CORIN: variants seen among roughly 807,000 people sequenced by gnomAD.
CORIN encodes corin, serine peptidase.
CORIN carries 117 observed loss-of-function variants against 125.3 expected under a neutral mutation model. The observed-to-expected ratio is 0.93, with a 90% CI of 0.80 to 1.09. The LOEUF (loss-of-function observed/expected upper bound fraction) is 1.09, where lower values mean the gene tolerates loss of function less well. CORIN is among the 50% of genes least tolerant of loss of function. The pLI is 0.00. For synonymous variants in CORIN, 450 were observed against 466.4 expected, an observed-to-expected ratio of 0.96 and a Z score of 0.45; for missense variants, 1,253 against 1,306.7, an observed-to-expected ratio of 0.96 and a Z score of 0.63.
At chr4:47,784,643 G>A (rs1401914503) in intron 3 of CORIN, among the ~76,000 whole-genome samples, 1 of 152,158 alleles carries the variant, frequency 6.6e-6, no homozygotes, top group Non-Finnish European at 1.5e-5. Flanking sequence ...TACTGTAATT[G>A]CAACCACATT....
chr4:47,831,947 A>G (rs570384892), intron 1 of CORIN, among the ~76,000 whole-genome samples: 1 of 152,332 alleles, frequency 6.6e-6, no homozygotes, highest in South Asian at 2.1e-4. Flanking sequence ...TCAAATGAGG[A>G]TGAGTTCAAG....
rs1725109544 is a variant in CORIN, at chr4:47,678,060, A to G, written c.1133-6T>C. On this transcript the variant is annotated splice_region_variant and splice_polypyrimidine_tract_variant and intron_variant, in intron 8 of 21. Transcript: ENST00000273857. ...CAGACCCTGGCTGTGACAGGCTAGG[A>G]AGGACCATAACAATATTCACTTTAT... The G allele has an allele frequency of 1.3e-6, 2 of 1,579,456 alleles. No individual in the cohort carries two copies. Among genetic ancestry groups the G allele is most frequent in the Non-Finnish European group, 1.7e-6 (2 of 1,148,456 alleles).
intron 1 of CORIN, among the ~76,000 whole-genome samples, chr4:47,820,118 G>A (rs1361221644): frequency 6.6e-6 from 1 of 152,126 alleles, no homozygotes; most frequent in African/African-American, 2.4e-5. Flanking sequence ...ACCATCCATG[G>A]TTTCAACTAT....
intron 1 of CORIN, among the ~76,000 whole-genome samples, chr4:47,814,414 C>T (rs1732178534): frequency 6.6e-6 from 1 of 152,138 alleles, no homozygotes; most frequent in South Asian, 2.1e-4. Context: ...AACCCATCTC[C>T]ACTCTGTCCG....
At chr4:47,646,852 A>G (rs1723510512) in intron 13 of CORIN, among the ~76,000 whole-genome samples, 1 of 152,258 alleles carries the variant, frequency 6.6e-6, no homozygotes, top group Non-Finnish European at 1.5e-5. Flanking sequence ...ACTACAAATA[A>G]GTCGAATAAA....
At chr4:47,722,374 C>T (rs1336898032) in intron 5 of CORIN, among the ~76,000 whole-genome samples, 1 of 152,208 alleles carries the variant, frequency 6.6e-6, no homozygotes, top group Non-Finnish European at 1.5e-5. Context: ...TGCAGGATAA[C>T]GTCCTTTCTT....
At chr4:47,780,968 T>TA (rs142636160) in intron 3 of CORIN, among the ~76,000 whole-genome samples, 1,492 of 145,432 alleles carry the variant, frequency 0.01, 14 homozygotes, top group African/African-American at 0.034. Flanking sequence ...GTTTCAATAT[T>TA]AAAAAAAAAA....
At chr4:47,611,895 C>T (rs1721886008) in intron 19 of CORIN, among the ~76,000 whole-genome samples, 1 of 152,112 alleles carries the variant, frequency 6.6e-6, no homozygotes, top group African/African-American at 2.4e-5. Context: ...ACCAGCATTG[C>T]ATCCTAGGGA....
At chr4:47,660,831 T>C (rs1398413784) in intron 12 of CORIN, among the ~76,000 whole-genome samples, 1 of 152,166 alleles carries the variant, frequency 6.6e-6, no homozygotes, top group African/African-American at 2.4e-5. Context: ...GCTAGGTATA[T>C]ACCTAAAAGA....
intron 4 of CORIN, among the ~76,000 whole-genome samples, chr4:47,749,269 A>G (rs1379667884): frequency 1.3e-5 from 2 of 152,164 alleles, no homozygotes; most frequent in Non-Finnish European, 2.9e-5. Flanking sequence ...AGGTAATGGA[A>G]TGTCAACTTC....
At chr4:47,718,880 C>T (rs546672316) in intron 5 of CORIN, among the ~76,000 whole-genome samples, 9 of 152,324 alleles carry the variant, frequency 5.9e-5, no homozygotes, top group African/African-American at 1.9e-4. Flanking sequence ...CTATGGGTCC[C>T]AAGGGAGGAC....
chr4:47,712,563 G>A, intron 5 of CORIN, among the ~76,000 whole-genome samples: 1 of 152,132 alleles, frequency 6.6e-6, no homozygotes, highest in African/African-American at 2.4e-5. Flanking sequence ...GATTTCAGGA[G>A]TGAGCCACTG....
intron 5 of CORIN, among the ~76,000 whole-genome samples, chr4:47,704,297 C>T (rs1473288393): frequency 2.0e-5 from 3 of 152,108 alleles, no homozygotes; most frequent in East Asian, 1.9e-4. Context: ...TCATAGCTCC[C>T]AATTTGCTAA....
Position 47,661,819 on chromosome 4 carries a change from CA to C in CORIN, c.1626del (p.Val543PhefsTer29). ...LCEHSKERCE[S>X]VLGIVGLQWP... ...CACTGTAGGCCCACAATCCCAAGAA[CA>C]GACTCACAGCGTTCTTTAGAGTGTT... On this transcript the variant is annotated frameshift_variant, in exon 12 of 22. Transcript: ENST00000273857. LOFTEE classifies it high-confidence loss of function. 6.2e-7 allele frequency: 1 copy of C among 1,613,362 alleles called. No individual in the cohort carries two copies. The highest frequency in any genetic ancestry group is 8.5e-7 in the Non-Finnish European group (1 of 1,179,534).
At chr4:47,688,696 C>A (rs540229022) in intron 6 of CORIN, among the ~76,000 whole-genome samples, 1 of 152,270 alleles carries the variant, frequency 6.6e-6, no homozygotes, top group African/African-American at 2.4e-5. Flanking sequence ...GAAACCATGG[C>A]TTAACAGTAT....
intron 1 of CORIN, among the ~76,000 whole-genome samples, chr4:47,821,363 A>G (rs1732502974): frequency 2.0e-5 from 3 of 151,058 alleles, no homozygotes. Context: ...ATTAATATTT[A>G]TTATAGGTAC....
chr4:47,799,085 T>C (rs1317057084), intron 2 of CORIN, among the ~76,000 whole-genome samples: 2 of 151,752 alleles, frequency 1.3e-5, no homozygotes, highest in Admixed American at 6.6e-5. Context: ...TTCTTTTTTA[T>C]GGCTGCATAG....
chr4:47,659,514 C>G (rs1724150094), intron 12 of CORIN, among the ~76,000 whole-genome samples: 1 of 152,156 alleles, frequency 6.6e-6, no homozygotes, highest in Non-Finnish European at 1.5e-5. Context: ...CTTACAGTCA[C>G]AGTGAAAAGC....
chr4:47,786,910 A>C lies in CORIN; in HGVS notation c.224T>G (p.Val75Gly). 1 of 1,611,606 alleles carries C rather than the reference A, an allele frequency of 6.2e-7. No individual in the cohort carries two copies. The highest frequency in any genetic ancestry group is 8.5e-7 in the Non-Finnish European group (1 of 1,177,978). The change falls in exon 3 of 22, where the codon GTC (valine) becomes GGC (glycine). Residue 75 changes from valine (V) to glycine (G), a missense_variant. By Grantham distance (109) the Val-to-Gly change is moderately radical. Transcript: ENST00000273857. ...TTCACTCCCATTTGATTTAAAATAG[A>C]CCTTTTGTAATGTTCCTGAAAGACA... ...LLSYVGTLQK[V>G]YFKSNGSEPL...
Sources: allele counts gnomAD v4.1 joint callset (sites outside exome capture counted in the v4.1 genomes callset), GRCh38; gene constraint gnomAD v4.1.1; transcripts MANE v1.5; gene names NCBI Gene and HGNC (gene_info 2026-07-23, HGNC 2026-07-21).